Variants in USP33 observed in about 807,000 individuals in gnomAD.
USP33 encodes the protein ubiquitin carboxyl-terminal hydrolase 33.
USP33 carries 46 observed loss-of-function variants against 124.2 expected under a neutral mutation model. The observed-to-expected ratio is 0.37, with a 90% CI of 0.29 to 0.47. USP33 has a LOEUF of 0.47. Ranked by LOEUF, USP33 falls within the 20% of genes least tolerant of loss-of-function variation. The pLI, the probability that USP33 is intolerant of heterozygous loss-of-function variation, is 0.99. For synonymous variants in USP33, 350 were observed against 352.3 expected, an observed-to-expected ratio of 0.99 and a Z score of 0.07; for missense variants, 851 against 1,070.6, an observed-to-expected ratio of 0.79 and a Z score of 2.86.
In USP33 at chr1:77,697,292, A is replaced by G. The variant is rs753590700; in HGVS notation, c.*25T>C. On this transcript the variant is annotated 3_prime_UTR_variant, in exon 24 of 24. Coordinates refer to ENST00000370794, the MANE Select transcript of USP33 (RefSeq NM_201624.3). ...TCAGGGCACATGAAAATGATTCCTC[A>G]TTAGAACTCTCTACATCCTAAAAAT... The G allele has an allele frequency of 6.4e-7, 1 of 1,567,764 alleles. No individual in the cohort carries two copies. The highest frequency in any genetic ancestry group is 8.6e-7 in the Non-Finnish European group (1 of 1,159,710).
intron 5 of USP33, among the ~76,000 whole-genome samples, chr1:77,737,374 A>G (rs1316050338): frequency 6.6e-6 from 1 of 152,256 alleles, no homozygotes; most frequent in Non-Finnish European, 1.5e-5. Flanking sequence ...TGCTTTTAAA[A>G]AGATACATGC....
chr1:77,722,454 A>C, intron 12 of USP33: 1 of 285,634 alleles, frequency 3.5e-6, no homozygotes, highest in Non-Finnish European at 6.6e-6. Context: ...CCCCATTACA[A>C]TCACAGACAC....
intron 8 of USP33, 79 bp from the exon 9 acceptor site, chr1:77,730,017 A>C: frequency 7.8e-7 from 1 of 1,278,980 alleles, no homozygotes; most frequent in Non-Finnish European, 1.1e-6. Flanking sequence ...CAATAATTCA[A>C]AGTGTTAAAT....
intron 7 of USP33, among the ~76,000 whole-genome samples, chr1:77,732,918 C>T (rs1363892925): frequency 2.0e-5 from 3 of 151,198 alleles, no homozygotes; most frequent in African/African-American, 4.9e-5. Flanking sequence ...CTCAGCCTCT[C>T]GAGTAGCTGG....
intron 15 of USP33, chr1:77,720,548 C>T: frequency 1.0e-6 from 1 of 985,396 alleles, no homozygotes; most frequent in Non-Finnish European, 1.2e-6. Flanking sequence ...AACTAGAAGT[C>T]TGTATTATCC....
At chr1:77,712,310 G>T (rs1675349833) in intron 20 of USP33, among the ~76,000 whole-genome samples, 1 of 152,170 alleles carries the variant, frequency 6.6e-6, no homozygotes, top group African/African-American at 2.4e-5. Context: ...TAAAATAAAG[G>T]TCAGGAGTTG....
At chr1:77,708,226 T>A (rs1419811594) in intron 21 of USP33, among the ~76,000 whole-genome samples, 2 of 152,194 alleles carry the variant, frequency 1.3e-5, no homozygotes, top group Non-Finnish European at 2.9e-5. Flanking sequence ...AAGCCTACAT[T>A]TTGCAGGATC....
At chr1:77,736,559 T>C (rs1678476161) in intron 5 of USP33, among the ~76,000 whole-genome samples, 1 of 152,186 alleles carries the variant, frequency 6.6e-6, no homozygotes, top group Non-Finnish European at 1.5e-5. Flanking sequence ...TCATAACACA[T>C]TATCTATAGA....
rs1267601189 is a variant in USP33, at chr1:77,701,319, C to T, written c.2509+50G>A. 5 of 1,359,002 alleles carry T rather than the reference C, an allele frequency of 3.7e-6. No homozygotes were observed. The African/African-American group carries it at 7.3e-5, about 20-fold the overall frequency. The allele number at this position is 1,359,002 out of a possible 1,614,324, so 84.2% of individuals were successfully genotyped here. On this transcript the variant is annotated intron_variant, in intron 22 of 23. Transcript: ENST00000370794. ...AGATATTCAAGAAATACTTGTCAAA[C>T]AAAAAAACAAATAATTTACCAAAAA...
In USP33 at chr1:77,741,636, T is replaced by C; in HGVS notation, c.62A>G (p.Asp21Gly). The C allele has an allele frequency of 6.3e-7, 1 of 1,589,954 alleles. No individual in the cohort carries two copies. The highest frequency in any genetic ancestry group is 8.5e-7 in the Non-Finnish European group (1 of 1,172,172). Residue 21 changes from aspartate to glycine, a missense_variant, in exon 2 of 24, where the codon GAT becomes GGT. By Grantham distance (94) the Asp-to-Gly change is moderately conservative (BLOSUM62 -1). This residue lies in a region of USP33 where 221 missense variants were observed against 302.9 expected (regional missense o/e 0.73). Coordinates refer to ENST00000370794, the MANE Select transcript of USP33 (RefSeq NM_201624.3). ...TCTTACAAGGGATTTTTGTATCAAA[T>C]CTTCTTTTGTTATTTCACCAACTGA... ...LDSVGEITKE[D>G]LIQKSLGTCQ...
intron 21 of USP33, among the ~76,000 whole-genome samples, chr1:77,703,610 C>T (rs959162051): frequency 3.9e-5 from 6 of 152,104 alleles, no homozygotes; most frequent in Non-Finnish European, 1.5e-5. Flanking sequence ...GACAAAAAAG[C>T]AAGACTCCAT....
intron 1 of USP33, among the ~76,000 whole-genome samples, chr1:77,747,153 C>T (rs1679822690): frequency 6.6e-6 from 1 of 151,674 alleles, no homozygotes; most frequent in African/African-American, 2.4e-5. Context: ...AAAAGATTGC[C>T]CTCTCCCCAC....
At chr1:77,697,784 T>C (rs1405644319) in intron 23 of USP33, 79 bp downstream of exon 23, 2 of 1,346,018 alleles carry the variant, frequency 1.5e-6, no homozygotes, top group Non-Finnish European at 2.1e-6. Flanking sequence ...AAAAAAGTAC[T>C]ATAGATGACT....
At position 77,697,407 on chromosome 1, in the gene USP33, A is replaced by G. The variant is rs572720732; in HGVS notation, c.2646T>C (p.Pro882=). The change falls in exon 24 of 24, where the codon CCT becomes CCC. Residue 882 remains proline, a synonymous_variant. Coordinates refer to ENST00000370794, the MANE Select transcript of USP33 (RefSeq NM_201624.3). Reference sequence around the variant, plus strand: ...CAACCGGAGGTCGCAGGATAACTTCAGGCCCTCCACCATAAATAGACTGCA... The same window carrying G: ...CAACCGGAGGTCGCAGGATAACTTCGGGCCCTCCACCATAAATAGACTGCA... The part of the protein sequence containing the change: ...NFLQSIYGGG[P]EVILRPPVVH... 1.2e-6 allele frequency: 2 copies of G among 1,613,400 alleles called. No individual in the cohort carries two copies. The highest frequency in any genetic ancestry group is 1.7e-5 in the Admixed American group (1 of 59,814).
At chr1:77,733,616 A>G (rs1001963728) in intron 7 of USP33, among the ~76,000 whole-genome samples, 31 of 152,208 alleles carry the variant, frequency 2.0e-4, no homozygotes, top group Non-Finnish European at 3.8e-4. Flanking sequence ...TCCAAAATCC[A>G]AAACTTTTTG....
At chr1:77,728,231 T>C (rs1021971702) in intron 10 of USP33, 64 bp downstream of exon 10, 2 of 1,458,764 alleles carry the variant, frequency 1.4e-6, no homozygotes, top group African/African-American at 1.4e-5. Flanking sequence ...GTAACAATTA[T>C]TTAAACACCC....
chr1:77,718,151 A>G (rs1237520416), intron 16 of USP33, 104 bp from the exon 17 acceptor site: 1 of 962,814 alleles, frequency 1.0e-6, no homozygotes, highest in Non-Finnish European at 1.5e-6. Context: ...CAAGAAACTG[A>G]GGTGTTCAAT....
At chr1:77,708,268 C>T (rs1674850396) in intron 21 of USP33, among the ~76,000 whole-genome samples, 1 of 152,070 alleles carries the variant, frequency 6.6e-6, no homozygotes, top group Non-Finnish European at 1.5e-5. Flanking sequence ...CTATATATAA[C>T]CATGATATAT....
In USP33 at chr1:77,725,618, T is replaced by G. The variant is rs1677072204; in HGVS notation, c.1276+4A>C. 1 of 1,613,782 alleles carries G rather than the reference T, an allele frequency of 6.2e-7. No homozygotes were observed. The highest frequency in any genetic ancestry group is 2.2e-5 in the East Asian group (1 of 44,890). On this transcript the variant is annotated splice_donor_region_variant and intron_variant, in intron 11 of 23. Coordinates refer to ENST00000370794, the MANE Select transcript of USP33 (RefSeq NM_201624.3). ...AAAGAGACTGAATAAGAGAAACGTT[T>G]TACCTTTTTTGTGTGGTGGTGCCAA... is the stretch of plus-strand genomic sequence containing the variant.
Sources: gnomAD v4.1 joint callset for allele counts (sites outside exome capture counted in the v4.1 genomes callset) on GRCh38, gnomAD v4.1.1 for gene constraint, gnomAD v4.1.1 regional missense constraint, MANE v1.5 for transcripts, NCBI Gene and HGNC (gene_info 2026-07-23, HGNC 2026-07-21) for gene names.